The following RASGRF2 variants were observed in gnomAD, a reference collection of about 807,000 sequenced individuals.
The protein encoded by RASGRF2 is ras-specific guanine nucleotide-releasing factor 2.
Under a neutral mutation model 151.0 loss-of-function variants are expected in RASGRF2, and 76 were observed. That is an observed-to-expected ratio of 0.50 (90% CI 0.42 to 0.61). The LOEUF is 0.61. Ranked by LOEUF, RASGRF2 falls within the 20% of genes least tolerant of loss-of-function variation. RASGRF2 has a pLI of 0.00. For missense variants in RASGRF2, 1,148 were observed against 1,564.6 expected (o/e 0.73, Z 4.49); for synonymous variants, 504 against 566.5 (o/e 0.89, Z 1.57).
intron 17 of RASGRF2, among the ~76,000 whole-genome samples, chr5:81,170,032 AT>A (rs1754617251): frequency 6.7e-6 from 1 of 150,310 alleles, no homozygotes; most frequent in Non-Finnish European, 1.5e-5. Context: ...CACCACCTGC[AT>A]CACTTGCATC....
At chr5:81,106,565 CT>C (rs1281879403) in intron 12 of RASGRF2, among the ~76,000 whole-genome samples, 1 of 152,194 alleles carries the variant, frequency 6.6e-6, no homozygotes, top group Non-Finnish European at 1.5e-5. Context: ...CTCTTACTTT[CT>C]TCTCCATTAT....
At position 81,227,201 on chromosome 5, in the gene RASGRF2, A is replaced by G. The variant is rs1756018574; in HGVS notation, c.*1431A>G. The G allele has an allele frequency of 6.6e-6, 1 of 152,190 alleles. No homozygotes were observed. Among genetic ancestry groups the G allele is most frequent in the South Asian group, 2.1e-4 (1 of 4,826 alleles). 9.4% of individuals were successfully genotyped at this position (152,190 alleles called of 1,614,324 possible). A position where few individuals can be genotyped will look rare whatever the true frequency, so the allele number is the denominator to read the frequency against. ...GCTTTCCCTCTTTCCTTGCACTTTA[A>G]TTATGTTGCTAGAGCTAACAGACTA... On this transcript the variant is annotated 3_prime_UTR_variant, in exon 27 of 27. Coordinates refer to ENST00000265080, the MANE Select transcript of RASGRF2 (RefSeq NM_006909.3).
chr5:80,994,141 G>A (rs571103223), intron 1 of RASGRF2, among the ~76,000 whole-genome samples: 18 of 152,082 alleles, frequency 1.2e-4, no homozygotes, highest in South Asian at 4.2e-4. Context: ...CAGGGCGGGC[G>A]GATCACGAGG....
rs187284001 is a variant in RASGRF2 at position 81,186,574 on chromosome 5, G to A, written c.2793+6293G>A. The stretch of plus-strand genomic sequence containing the variant: ...CCTATAAACACAGACACACACACGC[G>A]CACACACACAAAACAGAGTCCTTTT... On this transcript the variant is annotated intron_variant, in intron 18 of 26. Coordinates refer to ENST00000265080, the MANE Select transcript of RASGRF2 (RefSeq NM_006909.3). Among the ~76,000 whole-genome samples the A allele has an allele frequency of 2.5e-3, 375 of 151,864 alleles. 1 individual carries two copies. Among genetic ancestry groups the A allele is most frequent in the African/African-American group, 8.2e-3 (341 of 41,374 alleles).
At chr5:80,983,248 T>C (rs1418049279) in intron 1 of RASGRF2, among the ~76,000 whole-genome samples, 2 of 152,192 alleles carry the variant, frequency 1.3e-5, no homozygotes, top group East Asian at 3.9e-4. Flanking sequence ...CTCAAGTCAA[T>C]ACCAACATGT....
rs561080136 is a variant in RASGRF2 at position 80,990,193 on chromosome 5, C to T, written c.288+29167C>T. ...AGTGCTCTGTCGCCTAAAGGAAAGA[C>T]CTCTTACTAATTTGACTGCCAGATG... On this transcript the variant is annotated intron_variant, in intron 1 of 26. Coordinates refer to ENST00000265080, the MANE Select transcript of RASGRF2 (RefSeq NM_006909.3). 8.6e-5 allele frequency among the ~76,000 whole-genome samples: 13 copies of T among 151,882 alleles called. No homozygotes were observed. The South Asian group carries it at 2.3e-3, about 27-fold the overall frequency.
chr5:80,990,717 G>A (rs1282762656), intron 1 of RASGRF2, among the ~76,000 whole-genome samples: 4 of 152,090 alleles, frequency 2.6e-5, no homozygotes, highest in Non-Finnish European at 2.9e-5. Context: ...GCTGGCTGGC[G>A]TCTTTCACAT....
chr5:81,187,482 G>A (rs1210099507), intron 18 of RASGRF2, among the ~76,000 whole-genome samples: 2 of 152,188 alleles, frequency 1.3e-5, no homozygotes, highest in African/African-American at 2.4e-5. Flanking sequence ...TGGTCTCCAC[G>A]ATGGCTCCAG....
At chr5:81,015,644 C>T (rs6453537) in intron 1 of RASGRF2, among the ~76,000 whole-genome samples, 41,160 of 151,958 alleles carry the variant, frequency 0.27, 5,894 homozygotes, top group South Asian at 0.32. Flanking sequence ...AAAACCTCTT[C>T]ATATATTAAA....
At chr5:81,163,297 T>C (rs1339957782) in intron 17 of RASGRF2, among the ~76,000 whole-genome samples, 1 of 152,118 alleles carries the variant, frequency 6.6e-6, no homozygotes, top group African/African-American at 2.4e-5. Context: ...GCCTAGGAAG[T>C]GCGATTTCTA....
intron 17 of RASGRF2, among the ~76,000 whole-genome samples, chr5:81,144,549 G>A (rs1160319008): frequency 2.0e-5 from 3 of 152,140 alleles, no homozygotes; most frequent in Admixed American, 6.5e-5. Flanking sequence ...TTTTATAGAG[G>A]TGAAGCTCCC....
chr5:81,043,670 C>G (rs1750747959), intron 2 of RASGRF2, among the ~76,000 whole-genome samples: 1 of 152,190 alleles, frequency 6.6e-6, no homozygotes, highest in South Asian at 2.1e-4. Context: ...CCATGGCTCT[C>G]AAGCTCTTGC....
chr5:81,088,899 T>C (rs757498464), intron 9 of RASGRF2, among the ~76,000 whole-genome samples: 1 of 152,216 alleles, frequency 6.6e-6, no homozygotes, highest in Non-Finnish European at 1.5e-5. Context: ...CATATGTTAT[T>C]AATTCCTTGT....
At chr5:80,984,977 A>G (rs1748430539) in intron 1 of RASGRF2, among the ~76,000 whole-genome samples, 1 of 152,256 alleles carries the variant, frequency 6.6e-6, no homozygotes, top group Non-Finnish European at 1.5e-5. Context: ...TGGGAGGCGA[A>G]GGCGAGTGGA....
At chr5:81,057,807 G>T (rs1489635604) in intron 2 of RASGRF2, among the ~76,000 whole-genome samples, 1 of 151,908 alleles carries the variant, frequency 6.6e-6, no homozygotes, top group South Asian at 2.1e-4. Context: ...CCAGCCTGGG[G>T]AACATAGTGA....
Position 81,092,881 on chromosome 5 carries a change from GGA to G in RASGRF2, c.1478_1479del (p.Arg493ThrfsTer38). 6.2e-7 allele frequency: 1 copy of G among 1,612,338 alleles called. No homozygotes were observed. Reference sequence around the variant, plus strand: ...GGGTTCGTTGTCTTTGAAAAAGGAAGGAGAGAGACAATGCTTCTTATTTACAA... The same window carrying G: ...GGGTTCGTTGTCTTTGAAAAAGGAAGGAGAGACAATGCTTCTTATTTACAA... Reference protein sequence around the residue: ...RLGSLSLKKEGERQCFLFTKH... With the variant: ...RLGSLSLKKEXERQCFLFTKH... On this transcript the variant is annotated frameshift_variant, in exon 10 of 27. Transcript: ENST00000265080. LOFTEE classifies it high-confidence loss of function.
intron 1 of RASGRF2, among the ~76,000 whole-genome samples, chr5:81,014,329 C>T (rs1029449927): frequency 3.3e-5 from 5 of 152,216 alleles, no homozygotes; most frequent in Non-Finnish European, 7.3e-5. Context: ...CACAGTTCCA[C>T]ATGACTGGGA....
chr5:81,201,216 C>T (rs554465117), intron 18 of RASGRF2, 114 bp from the exon 19 acceptor site: 18 of 1,446,044 alleles, frequency 1.2e-5, no homozygotes, highest in East Asian at 2.4e-5. Context: ...AGGGTCCATA[C>T]ATTTTAATTT....
chr5:81,200,738 C>T (rs1371641825), intron 18 of RASGRF2, among the ~76,000 whole-genome samples: 3 of 152,236 alleles, frequency 2.0e-5, no homozygotes, highest in African/African-American at 7.2e-5. Flanking sequence ...TTACGTGTGC[C>T]GTGGGTGCAC....
Sources: gnomAD v4.1 joint callset for allele counts (sites outside exome capture counted in the v4.1 genomes callset) on GRCh38, gnomAD v4.1.1 for gene constraint, MANE v1.5 for transcripts, NCBI Gene and HGNC (gene_info 2026-07-23, HGNC 2026-07-21) for gene names.